The following SLC43A2 variants were observed in gnomAD, a reference collection of about 807,000 sequenced individuals.
The protein encoded by SLC43A2 is solute carrier family 43 member 2, also known as large neutral amino acids transporter small subunit 4.
In SLC43A2, 38 loss-of-function variants were observed where a neutral mutation model predicts 63.2. The ratio of observed to expected loss-of-function variants is 0.60; its 90% CI spans 0.46 to 0.79. SLC43A2 has a LOEUF of 0.79. Among genes scored for constraint, SLC43A2 ranks in the 30% least tolerant of loss-of-function variants. The probability of loss-of-function intolerance (pLI) is 0.00; values close to 1 mark genes in which losing one functional copy is unlikely to be tolerated. For synonymous variants in SLC43A2, 322 were observed against 331.0 expected, an observed-to-expected ratio of 0.97 and a Z score of 0.30; for missense variants, 644 against 756.2, an observed-to-expected ratio of 0.85 and a Z score of 1.74.
intron 2 of SLC43A2, among the ~76,000 whole-genome samples, chr17:1,620,144 C>T (rs916165350): frequency 3.3e-5 from 5 of 152,194 alleles, no homozygotes; most frequent in Admixed American, 1.3e-4. Context: ...GCAGGCGGAC[C>T]ACTTGAGGTC....
chr17:1,594,819 A>G (rs1009656849), intron 5 of SLC43A2, among the ~76,000 whole-genome samples: 8 of 151,166 alleles, frequency 5.3e-5, no homozygotes, highest in African/African-American at 1.9e-4. Flanking sequence ...GGATCTCCTG[A>G]CCTCGTGATC....
chr17:1,613,348 C>T lies in SLC43A2; in HGVS notation c.425-77G>A, dbSNP rs144797297. On this transcript the variant is annotated intron_variant, in intron 4 of 13. Transcript: ENST00000301335. Reference sequence around the variant, plus strand: ...AAGCCGGGACCAGCCCAGAGTCCTGCGCGGTGCAGGCTCCCAGTAAATCCA... The same window carrying T: ...AAGCCGGGACCAGCCCAGAGTCCTGTGCGGTGCAGGCTCCCAGTAAATCCA... The T allele has an allele frequency of 9.6e-5, 129 of 1,344,338 alleles. No homozygotes were observed. The African/African-American group carries it at 1.1e-3, about 11-fold the overall frequency. 83.3% of individuals were successfully genotyped at this position (1,344,338 alleles called of 1,614,324 possible). A position where few individuals can be genotyped will look rare whatever the true frequency, so the allele number is the denominator to read the frequency against.
Position 1,585,914 on chromosome 17 carries a change from G to A in SLC43A2, c.1216C>T (p.Gln406Ter). The part of the protein sequence containing the change: ...SEEPEEKDAN[Q>*]GEKKKKKRDR... ...GGGGCACCGGCCCTGCCTACGCACT[G>A]GTTGGCGTCTTTCTCCTCGGGCTCC... Residue 406 changes from glutamine (Q) to a stop codon, truncating the protein, a stop_gained and splice_region_variant, in exon 10 of 14, where the codon CAA becomes TAA. Coordinates refer to ENST00000301335, the MANE Select transcript of SLC43A2 (RefSeq NM_152346.3). LOFTEE classifies it high-confidence loss of function. 6.2e-7 allele frequency: 1 copy of A among 1,613,730 alleles called. No individual in the cohort carries two copies. Among genetic ancestry groups the A allele is most frequent in the Non-Finnish European group, 8.5e-7 (1 of 1,180,004 alleles).
Position 1,575,030 on chromosome 17 carries a change from C to T in SLC43A2, c.*574G>A, listed in dbSNP as rs886112032. On this transcript the variant is annotated 3_prime_UTR_variant, in exon 14 of 14. Coordinates refer to ENST00000301335, the MANE Select transcript of SLC43A2 (RefSeq NM_152346.3). The stretch of plus-strand genomic sequence containing the variant: ...AGCCAGGTGGGGCTTCTCCACCGGC[C>T]TCCAACGGGTGGGCAGGCCCTGGAC... 1 of 159,826 alleles carries T rather than the reference C, an allele frequency of 6.3e-6. No homozygotes were observed. Among genetic ancestry groups the T allele is most frequent in the Non-Finnish European group, 1.4e-5 (1 of 71,728 alleles). The allele number at this position is 159,826 out of a possible 1,614,324, so 9.9% of individuals were successfully genotyped here.
intron 5 of SLC43A2, among the ~76,000 whole-genome samples, chr17:1,594,312 C>T (rs991361003): frequency 2.0e-5 from 3 of 152,176 alleles, no homozygotes; most frequent in Admixed American, 6.6e-5. Context: ...CTGAACAGGA[C>T]TTCAAGGCTA....
chr17:1,604,910 C>T (rs1039002873), intron 5 of SLC43A2: 24 of 1,530,938 alleles, frequency 1.6e-5, no homozygotes, highest in South Asian at 1.2e-4. Flanking sequence ...GTCTCAGCTG[C>T]GCATAATGGC....
At position 1,583,330 on chromosome 17, in the gene SLC43A2, C is replaced by A. The variant is rs1192449608; in HGVS notation, c.1224G>T (p.Glu408Asp). 6.2e-7 allele frequency: 1 copy of A among 1,614,178 alleles called. No individual in the cohort carries two copies. The highest frequency in any genetic ancestry group is 1.1e-5 in the South Asian group (1 of 91,088). Residue 408 changes from glutamate to aspartate, a missense_variant, in exon 11 of 14, where the codon GAG (glutamate) becomes GAT (aspartate). By Grantham distance (45) the Glu-to-Asp change is conservative (BLOSUM62 2). Around this residue, in one of 3 missense-constraint regions of SLC43A2, gnomAD observed 528 missense variants for 623.6 expected, o/e 0.85. Transcript: ENST00000301335. This position sits in a 1 kb window ranked among gnomAD's most constrained non-coding sequence, Gnocchi z 5.5. ...GCCGGTCCCGCTTCTTCTTTTTCTT[C>A]TCGCCTCTGTGGAGACACAGAACGT... ...EPEEKDANQGEKKKKKRDRQI... is the reference protein window; with the variant it reads ...EPEEKDANQGDKKKKKRDRQI...
intron 5 of SLC43A2, chr17:1,604,898 C>G (rs941604199): frequency 3.3e-6 from 5 of 1,534,306 alleles, no homozygotes; most frequent in African/African-American, 2.7e-5. Context: ...CTGCCTCCAC[C>G]GGTCTCAGCT....
At chr17:1,598,987 A>T (rs1207128955) in intron 5 of SLC43A2, among the ~76,000 whole-genome samples, 1 of 152,220 alleles carries the variant, frequency 6.6e-6, no homozygotes, top group Non-Finnish European at 1.5e-5. Flanking sequence ...CCTCAGGGGA[A>T]CCACACTAGG....
rs1312027834 is a variant in SLC43A2 at position 1,583,367 on chromosome 17, A to T, written c.1218-31T>A. 8.7e-6 allele frequency: 14 copies of T among 1,608,342 alleles called. No homozygotes were observed. The highest frequency in any genetic ancestry group is 1.2e-5 in the Non-Finnish European group (14 of 1,175,418). ...GAGACACAGAACGTGCAGGGGTGGG[A>T]GGGCTCCCCGGAGGAAGCCGGGTGC... On this transcript the variant is annotated intron_variant, in intron 10 of 13. Coordinates refer to ENST00000301335, the MANE Select transcript of SLC43A2 (RefSeq NM_152346.3). The surrounding 1 kb of genome is among the most constrained non-coding windows in gnomAD (Gnocchi z 5.5).
intron 10 of SLC43A2, among the ~76,000 whole-genome samples, chr17:1,584,115 G>A (rs1012125905): frequency 2.0e-5 from 3 of 152,028 alleles, no homozygotes; most frequent in Non-Finnish European, 2.9e-5. Context: ...GGATGGTCTC[G>A]ATCTTCTGAC....
In SLC43A2 at chr17:1,583,116, T is replaced by C. The variant is rs1327278581; in HGVS notation, c.1350+88A>G. The C allele has an allele frequency of 7.1e-7, 1 of 1,403,716 alleles. No homozygotes were observed. Among genetic ancestry groups the C allele is most frequent in the East Asian group, 2.3e-5 (1 of 43,392 alleles). The allele number at this position is 1,403,716 out of a possible 1,614,324, so 87.0% of individuals were successfully genotyped here. On this transcript the variant is annotated intron_variant, in intron 11 of 13. Coordinates refer to ENST00000301335, the MANE Select transcript of SLC43A2 (RefSeq NM_152346.3). The surrounding 1 kb of genome is among the most constrained non-coding windows in gnomAD (Gnocchi z 5.5). The stretch of plus-strand genomic sequence containing the variant: ...AAAGTCATCCGCTTTGTTGATGGCT[T>C]CCATGAAACATTACACACTTTTGAG...
At chr17:1,622,683 G>A (rs945934875) in intron 2 of SLC43A2, among the ~76,000 whole-genome samples, 3 of 152,222 alleles carry the variant, frequency 2.0e-5, no homozygotes, top group Non-Finnish European at 2.9e-5. Flanking sequence ...GGAGGCCAAG[G>A]CTGGTAGATC....
chr17:1,620,529 T>C (rs1392756883), intron 2 of SLC43A2, among the ~76,000 whole-genome samples: 1 of 152,144 alleles, frequency 6.6e-6, no homozygotes, highest in Admixed American at 6.5e-5. Context: ...ACCTTGCACG[T>C]AGGCCAACAG....
rs2075831165 is a variant in SLC43A2, at chr17:1,570,514, T to C, written c.*5090A>G. ...TTTTTTTTTTTTTTTTGAGACGGAG[T>C]CTCGCTCTGTCGCCCAGGCTGGAGT... On this transcript the variant is annotated 3_prime_UTR_variant, in exon 14 of 14. Transcript: ENST00000301335. 1 of 139,552 alleles carries C rather than the reference T, an allele frequency of 7.2e-6. No individual in the cohort carries two copies. The highest frequency in any genetic ancestry group is 2.1e-4 in the East Asian group (1 of 4,782). 8.6% of individuals were successfully genotyped at this position (139,552 alleles called of 1,614,324 possible). A position where few individuals can be genotyped will look rare whatever the true frequency, so the allele number is the denominator to read the frequency against.
At chr17:1,590,733 T>C (rs4790668) in intron 9 of SLC43A2, 69 bp downstream of exon 9, 1,491,995 of 1,535,412 alleles carry the variant, frequency 0.97, 724,988 homozygotes, top group South Asian at 0.99. Context: ...TAACACATTC[T>C]GGCCGGTGGC....
intron 2 of SLC43A2, among the ~76,000 whole-genome samples, chr17:1,623,169 T>C (rs765611694): frequency 5.3e-5 from 8 of 152,208 alleles, no homozygotes; most frequent in Non-Finnish European, 1.2e-4. Flanking sequence ...TGTCCACATC[T>C]GCAGCTTCAC....
intron 5 of SLC43A2, among the ~76,000 whole-genome samples, chr17:1,610,331 T>A (rs546319094): frequency 6.6e-6 from 1 of 151,762 alleles, no homozygotes; most frequent in Non-Finnish European, 1.5e-5. Context: ...GGTGTCATTG[T>A]GGCATACTGT....
chr17:1,590,719 A>AGTGT (rs1272663770), intron 9 of SLC43A2, 83 bp downstream of exon 9: 1 of 1,515,666 alleles, frequency 6.6e-7, no homozygotes, highest in Non-Finnish European at 8.9e-7. Flanking sequence ...GGCCCGGCTC[A>AGTGT]GCTTAACACA....
Sources: allele counts gnomAD v4.1 joint callset (sites outside exome capture counted in the v4.1 genomes callset), GRCh38; gene constraint gnomAD v4.1.1; regional missense constraint gnomAD v4.1.1; non-coding constraint Gnocchi (gnomAD v3.1); transcripts MANE v1.5; gene names NCBI Gene and HGNC (gene_info 2026-07-23, HGNC 2026-07-21).